The following PGM1 variants were observed in gnomAD, a reference collection of about 807,000 sequenced individuals.
PGM1 encodes the protein phosphoglucomutase-1.
Under a neutral mutation model 55.6 loss-of-function variants are expected in PGM1, and 52 were observed. The ratio of observed to expected loss-of-function variants is 0.94; its 90% confidence interval spans 0.75 to 1.18. The LOEUF (loss-of-function observed/expected upper bound fraction) is 1.18, where lower values mean the gene tolerates loss of function less well. PGM1 is among the 50% of genes most tolerant of loss of function. The probability of loss-of-function intolerance (pLI) is 0.00; values close to 1 mark genes in which losing one functional copy is unlikely to be tolerated. For synonymous variants in PGM1, 287 were observed against 271.7 expected (o/e 1.06, Z -0.55); for missense variants, 724 against 729.3 (o/e 0.99, Z 0.08).
In PGM1 at chr1:63,648,606, A is replaced by C. The variant is rs567337429; in HGVS notation, c.1234A>C (p.Ile412Leu). The C allele has an allele frequency of 6.2e-7, 1 of 1,614,130 alleles. No individual in the cohort carries two copies. The highest frequency in any genetic ancestry group is 2.2e-5 in the East Asian group (1 of 44,862). ...LATRKQSVED[I>L]LKDHWQKYGR... ...CACCCGCAAGCAGAGTGTGGAGGAC[A>C]TTCTCAAAGATCATTGGCAAAAGTA... The change falls in exon 8 of 11, where the codon ATT (isoleucine) becomes CTT (leucine). Residue 412 changes from isoleucine (I) to leucine (L), a missense_variant. Ile to Leu is a conservative substitution (Grantham distance 5, BLOSUM62 2). Around this residue, in one of 3 missense-constraint regions of PGM1, gnomAD observed 316 missense variants for 313.1 expected, o/e 1.01. Transcript: ENST00000371084.
At chr1:63,604,570 C>A (rs1178824025) in intron 1 of PGM1, among the ~76,000 whole-genome samples, 2 of 152,108 alleles carry the variant, frequency 1.3e-5, no homozygotes, top group Non-Finnish European at 2.9e-5. Context: ...GCAAGAAGGG[C>A]TGAAAATGTA....
Position 63,654,414 on chromosome 1 carries a change from T to A in PGM1, c.1547T>A (p.Leu516Gln). ...GGGAGTGCCGGGGCCACCATTCGGCTGTACATCGATAGCTATGAGAAGGAC... is the reference window on the plus strand; with the variant it reads ...GGGAGTGCCGGGGCCACCATTCGGCAGTACATCGATAGCTATGAGAAGGAC... ...GTGSAGATIRLYIDSYEKDVA... is the reference protein window; with the variant it reads ...GTGSAGATIRQYIDSYEKDVA... Residue 516 changes from leucine (L) to glutamine (Q), a missense_variant, in exon 10 of 11, where the codon CTG becomes CAG. By Grantham distance (113) the Leu-to-Gln change is moderately radical (BLOSUM62 -2). Around this residue, in one of 3 missense-constraint regions of PGM1, gnomAD observed 316 missense variants for 313.1 expected, o/e 1.01. Transcript: ENST00000371084. The A allele has an allele frequency of 6.2e-7, 1 of 1,614,130 alleles. No homozygotes were observed. The highest frequency in any genetic ancestry group is 8.5e-7 in the Non-Finnish European group (1 of 1,179,964).
At chr1:63,605,680 G>C (rs1161448317) in intron 1 of PGM1, among the ~76,000 whole-genome samples, 1 of 152,016 alleles carries the variant, frequency 6.6e-6, no homozygotes, top group East Asian at 1.9e-4. Context: ...AGGCTCAAGT[G>C]ATCCTCCCAC....
Position 63,604,226 on chromosome 1 carries a change from A to C in PGM1, c.246+10492A>C, listed in dbSNP as rs714306. On this transcript the variant is annotated intron_variant, in intron 1 of 10. Coordinates refer to ENST00000371084, the MANE Select transcript of PGM1 (RefSeq NM_002633.3). ...GGAATTTTTACGATTTTATAGGTTC[A>C]ATCAGCTGTTGTAACAGACACTCAA... Among the ~76,000 whole-genome samples, 1,509 of 152,324 alleles carry C rather than the reference A, an allele frequency of 9.9e-3. 26 individuals are homozygous for C. Among genetic ancestry groups the C allele is most frequent in the African/African-American group, 0.034 (1,396 of 41,566 alleles).
At chr1:63,629,919 A>G in intron 2 of PGM1, 23 bp from the exon 3 acceptor site, 1 of 1,613,852 alleles carries the variant, frequency 6.2e-7, no homozygotes, top group Non-Finnish European at 8.5e-7. Flanking sequence ...GAAGTAACCC[A>G]CTGTTTGCTG....
intron 9 of PGM1, 85 bp downstream of exon 9, chr1:63,651,937 T>C (rs1328436896): frequency 2.3e-6 from 3 of 1,297,108 alleles, no homozygotes; most frequent in South Asian, 2.4e-5. Context: ...AAAGTTCCTG[T>C]TGGCTATTTT....
chr1:63,656,788 A>T (rs1649980717), intron 10 of PGM1, among the ~76,000 whole-genome samples: 1 of 152,202 alleles, frequency 6.6e-6, no homozygotes. Flanking sequence ...AGTGAATCTC[A>T]TAGAAACAGA....
At chr1:63,596,211 C>T (rs1391117586) in intron 1 of PGM1, among the ~76,000 whole-genome samples, 1 of 151,644 alleles carries the variant, frequency 6.6e-6, no homozygotes, top group African/African-American at 2.4e-5. Context: ...CATTGACTAT[C>T]CCCTAGGTTT....
At chr1:63,623,688 G>A (rs375664222) in intron 1 of PGM1, 2 of 1,612,490 alleles carry the variant, frequency 1.2e-6, no homozygotes, top group Non-Finnish European at 1.7e-6. Flanking sequence ...CATCACTGGT[G>A]GTTGGTGGAG....
chr1:63,637,160 T>C (rs1649387213), intron 6 of PGM1, among the ~76,000 whole-genome samples: 1 of 152,228 alleles, frequency 6.6e-6, no homozygotes, highest in South Asian at 2.1e-4. Flanking sequence ...GTAATATATC[T>C]CTAGGCTCTT....
intron 7 of PGM1, among the ~76,000 whole-genome samples, chr1:63,642,602 C>T (rs1193273462): frequency 6.6e-6 from 1 of 152,134 alleles, no homozygotes; most frequent in Non-Finnish European, 1.5e-5. Context: ...GCATTTGAAC[C>T]CTTCCTCAGG....
chr1:63,654,257 A>C, intron 9 of PGM1, 75 bp from the exon 10 acceptor site: 1 of 1,430,280 alleles, frequency 7.0e-7, no homozygotes, highest in Non-Finnish European at 9.9e-7. Flanking sequence ...TACATCCCCA[A>C]ATAGACCCCT....
At chr1:63,657,894 A>G (rs1161423492) in intron 10 of PGM1, among the ~76,000 whole-genome samples, 1 of 152,262 alleles carries the variant, frequency 6.6e-6, no homozygotes, top group Non-Finnish European at 1.5e-5. Context: ...AGCACAAGAG[A>G]AAAGGAAGAA....
intron 10 of PGM1, among the ~76,000 whole-genome samples, chr1:63,657,377 G>C (rs1432609492): frequency 7.5e-6 from 1 of 134,162 alleles, no homozygotes; most frequent in Non-Finnish European, 1.6e-5. Context: ...ACTTCATCTA[G>C]TTGTTACCGG....
At chr1:63,640,355 G>A (rs1000666183) in intron 7 of PGM1, among the ~76,000 whole-genome samples, 1 of 152,154 alleles carries the variant, frequency 6.6e-6, no homozygotes, top group African/African-American at 2.4e-5. Context: ...GAGGGTTCTA[G>A]GGGTCAAGAA....
chr1:63,640,266 T>C (rs1649480349), intron 7 of PGM1, among the ~76,000 whole-genome samples: 1 of 152,170 alleles, frequency 6.6e-6, no homozygotes, highest in South Asian at 2.1e-4. Context: ...GTATCAGTGT[T>C]GAGCCTAGTG....
chr1:63,647,377 G>A (rs1306131082), intron 7 of PGM1, among the ~76,000 whole-genome samples: 1 of 140,176 alleles, frequency 7.1e-6, no homozygotes, highest in Non-Finnish European at 1.5e-5. Context: ...TTTAAAGTTT[G>A]TCAATGGGCT....
rs1333807281 is a variant in PGM1 at position 63,651,875 on chromosome 1, G to A, written c.1464+23G>A. 11 of 1,596,234 alleles carry A rather than the reference G, an allele frequency of 6.9e-6. No individual in the cohort carries two copies. In the African/African-American group the frequency reaches 8.0e-5, roughly 12 times the overall value. ...CAGGTAGAAACAGACCGGTGTGTAA[G>A]TGAGAGAGAGACCTCAGAGCTTCAT... On this transcript the variant is annotated intron_variant, in intron 9 of 10. Coordinates refer to ENST00000371084, the MANE Select transcript of PGM1 (RefSeq NM_002633.3).
At chr1:63,599,187 C>G (rs573168506) in intron 1 of PGM1, among the ~76,000 whole-genome samples, 2 of 151,484 alleles carry the variant, frequency 1.3e-5, no homozygotes, top group Non-Finnish European at 2.9e-5. Context: ...TTTTTTGAGA[C>G]ACTGTCTTGC....
Sources: allele counts gnomAD v4.1 joint callset (sites outside exome capture counted in the v4.1 genomes callset), GRCh38; gene constraint gnomAD v4.1.1; regional missense constraint gnomAD v4.1.1; transcripts MANE v1.5; gene names NCBI Gene and HGNC (gene_info 2026-07-23, HGNC 2026-07-21).